The following KCNH1 variants were observed in gnomAD, a reference collection of about 807,000 sequenced individuals.
The protein encoded by KCNH1 is voltage-gated delayed rectifier potassium channel KCNH1.
Under a neutral mutation model 69.2 loss-of-function variants are expected in KCNH1, and 27 were observed. The ratio of observed to expected loss-of-function variants is 0.39; its 90% CI spans 0.29 to 0.54. KCNH1 has a LOEUF of 0.54. Among genes scored for constraint, KCNH1 ranks in the 20% least tolerant of loss-of-function variants. The pLI is 0.68. For missense variants in KCNH1, 798 were observed against 1,261.6 expected, an observed-to-expected ratio of 0.63 and a Z score of 5.57; for synonymous variants, 456 against 487.7, an observed-to-expected ratio of 0.93 and a Z score of 0.86.
intron 10 of KCNH1, among the ~76,000 whole-genome samples, chr1:210,717,968 G>A (rs116478013): frequency 5.9e-5 from 9 of 151,910 alleles, no homozygotes; most frequent in South Asian, 4.2e-4. Context: ...TTAGCCAGGC[G>A]TGGTGGTGTG....
chr1:210,859,221 C>T, intron 7 of KCNH1: 2 of 1,612,430 alleles, frequency 1.2e-6, no homozygotes, highest in South Asian at 2.2e-5. Context: ...GAACTTGGCA[C>T]AACTGGAGCA....
At chr1:211,119,558 AAGAC>A (rs1691650022) in intron 1 of KCNH1, among the ~76,000 whole-genome samples, 1 of 152,198 alleles carries the variant, frequency 6.6e-6, no homozygotes, top group African/African-American at 2.4e-5. Flanking sequence ...TCAAAAAAAA[AAGAC>A]AGATCAAGGT....
intron 7 of KCNH1, among the ~76,000 whole-genome samples, chr1:210,897,508 T>A (rs914411958): frequency 6.6e-6 from 1 of 152,040 alleles, no homozygotes; most frequent in East Asian, 1.9e-4. Flanking sequence ...CTAGACACAG[T>A]GATGAGGACA....
intron 7 of KCNH1, chr1:210,861,966 C>T: frequency 1.3e-6 from 1 of 757,966 alleles, no homozygotes; most frequent in South Asian, 1.4e-5. Context: ...TAAGCTGTAC[C>T]CTGATGAGCT....
intron 5 of KCNH1, among the ~76,000 whole-genome samples, chr1:211,076,005 G>A (rs1690725890): frequency 1.3e-5 from 2 of 152,238 alleles, no homozygotes; most frequent in South Asian, 4.1e-4. Flanking sequence ...AGATTGACCT[G>A]CGAGGCAGCA....
At chr1:210,846,336 A>G (rs1685547035) in intron 7 of KCNH1, among the ~76,000 whole-genome samples, 1 of 152,224 alleles carries the variant, frequency 6.6e-6, no homozygotes, top group African/African-American at 2.4e-5. Flanking sequence ...ACTATACTAC[A>G]AGGCTACAGT....
chr1:210,925,573 G>A (rs546923021), intron 6 of KCNH1, among the ~76,000 whole-genome samples: 7 of 152,314 alleles, frequency 4.6e-5, no homozygotes, highest in African/African-American at 1.7e-4. Context: ...AGAGGGCTGC[G>A]TGGGAGCAGG....
chr1:210,861,667 T>C, intron 7 of KCNH1: 1 of 772,682 alleles, frequency 1.3e-6, no homozygotes, highest in South Asian at 1.3e-5. Context: ...AACAAGATCA[T>C]AGAAGATCTT....
chr1:210,920,223 C>T lies in KCNH1; in HGVS notation c.1033-154G>A, dbSNP rs528176273. Among the ~76,000 whole-genome samples, 12 of 152,212 alleles carry T rather than the reference C, an allele frequency of 7.9e-5. No individual in the cohort carries two copies. In the South Asian group the frequency reaches 2.5e-3, roughly 32 times the overall value. ...AAAAAAGTAAAATTAGAATTTTATT[C>T]CAAGATGTATGGAATGGAAATTCCC... is the stretch of plus-strand genomic sequence containing the variant. On this transcript the variant is annotated intron_variant, in intron 6 of 10. Coordinates refer to ENST00000271751, the MANE Select transcript of KCNH1 (RefSeq NM_172362.3).
intron 6 of KCNH1, among the ~76,000 whole-genome samples, chr1:210,940,593 G>C (rs1385154792): frequency 1.3e-5 from 2 of 152,188 alleles, no homozygotes; most frequent in African/African-American, 4.8e-5. Context: ...ATTTACAAAT[G>C]TTGCTTAAAA....
chr1:211,018,785 G>C lies in KCNH1; in HGVS notation c.1030C>G (p.Gln344Glu), dbSNP rs1278986833. The C allele has an allele frequency of 3.1e-6, 5 of 1,598,298 alleles. No individual in the cohort carries two copies. Among genetic ancestry groups the C allele is most frequent in the Non-Finnish European group, 4.3e-6 (5 of 1,171,402 alleles). ...IPPPLEGRESQGISSLFSSLK... is the reference protein window; with the variant it reads ...IPPPLEGRESEGISSLFSSLK... ...GGTCTGAGATTTGAGGGATGTACCT[G>C]ACTCTCTCTCCCCTCCAGTGGTGGT... Residue 344 changes from glutamine (Q) to glutamate (E), a missense_variant and splice_region_variant, in exon 6 of 11, where the codon CAG (glutamine) becomes GAG (glutamate). Physicochemically the swap from Gln to Glu is conservative, Grantham distance 29 (BLOSUM62 2). Transcript: ENST00000271751.
chr1:211,002,328 G>GTGTGTGTGTATATATATGTATATATATA (rs1689201965), intron 6 of KCNH1, among the ~76,000 whole-genome samples: 1 of 53,608 alleles, frequency 1.9e-5, no homozygotes, highest in African/African-American at 7.2e-5. Flanking sequence ...ATATATATAT[G>GTGTGTGTGTATATATATGTATATATATA]TGTGTGTGTG....
intron 1 of KCNH1, among the ~76,000 whole-genome samples, chr1:211,110,636 C>T (rs1286416484): frequency 6.6e-6 from 1 of 151,794 alleles, no homozygotes; most frequent in Non-Finnish European, 1.5e-5. Context: ...GATTCTGATG[C>T]TAAAAATACA....
chr1:210,887,849 A>G (rs1057319013), intron 7 of KCNH1, among the ~76,000 whole-genome samples: 1 of 152,298 alleles, frequency 6.6e-6, no homozygotes, highest in Middle Eastern at 3.4e-3. Flanking sequence ...CAACACAACA[A>G]GGAGAGCTAA....
chr1:211,117,813 C>T (rs1691609201), intron 1 of KCNH1, among the ~76,000 whole-genome samples: 1 of 152,058 alleles, frequency 6.6e-6, no homozygotes, highest in Non-Finnish European at 1.5e-5. Context: ...CTTCTGGCAG[C>T]AATAAAATAT....
chr1:210,898,688 G>A (rs567785216), intron 7 of KCNH1, among the ~76,000 whole-genome samples: 1 of 151,584 alleles, frequency 6.6e-6, no homozygotes, highest in South Asian at 2.1e-4. Context: ...CGGCGGGGGG[G>A]GGTCCTGTCA....
At chr1:211,061,310 T>C (rs112140364) in intron 5 of KCNH1, among the ~76,000 whole-genome samples, 3 of 152,190 alleles carry the variant, frequency 2.0e-5, no homozygotes, top group Admixed American at 6.5e-5. Context: ...AAGGAACATA[T>C]ATCAACACAA....
chr1:210,998,836 C>T (rs1211421251), intron 6 of KCNH1, among the ~76,000 whole-genome samples: 2 of 152,186 alleles, frequency 1.3e-5, no homozygotes, highest in South Asian at 2.1e-4. Flanking sequence ...AGCAATCAAA[C>T]TAGAATTCAG....
intron 6 of KCNH1, among the ~76,000 whole-genome samples, chr1:210,965,878 A>T (rs544333439): frequency 1.3e-5 from 2 of 152,298 alleles, no homozygotes; most frequent in East Asian, 3.9e-4. Flanking sequence ...ATTAGAAAAA[A>T]ACTACTTTAA....
Sources: gnomAD v4.1 joint callset for allele counts (sites outside exome capture counted in the v4.1 genomes callset) on GRCh38, gnomAD v4.1.1 for gene constraint, MANE v1.5 for transcripts, NCBI Gene and HGNC (gene_info 2026-07-23, HGNC 2026-07-21) for gene names.